Variants in USP10 observed in about 807,000 individuals in gnomAD.
USP10 encodes ubiquitin carboxyl-terminal hydrolase 10.
In USP10, 22 loss-of-function variants were observed where a neutral mutation model predicts 84.5. The ratio of observed to expected loss-of-function variants is 0.26; its 90% CI spans 0.19 to 0.37. The LOEUF (loss-of-function observed/expected upper bound fraction) is 0.37, where lower values mean the gene tolerates loss of function less well. Ranked by LOEUF, USP10 falls within the 10% of genes least tolerant of loss-of-function variation. USP10 has a pLI of 1.00. For synonymous variants in USP10, 454 were observed against 387.6 expected, an observed-to-expected ratio of 1.17 and a Z score of -2.01; for missense variants, 1,019 against 998.9, an observed-to-expected ratio of 1.02 and a Z score of -0.27.
chr16:84,748,501 A>C (rs536066326), intron 4 of USP10, among the ~76,000 whole-genome samples: 55 of 152,002 alleles, frequency 3.6e-4, no homozygotes, highest in African/African-American at 1.3e-3. Flanking sequence ...ACCGAGTTTC[A>C]CCATGTTGGC....
chr16:84,703,292 G>A (rs1905118513), intron 1 of USP10, among the ~76,000 whole-genome samples: 1 of 152,086 alleles, frequency 6.6e-6, no homozygotes. Flanking sequence ...GCCTTACACC[G>A]AAAAAATATT....
At chr16:84,712,666 G>T (rs1471788628) in intron 1 of USP10, among the ~76,000 whole-genome samples, 1 of 152,162 alleles carries the variant, frequency 6.6e-6, no homozygotes, top group African/African-American at 2.4e-5. Flanking sequence ...ATGAAGAAGA[G>T]GTGGCTGCTT....
At chr16:84,751,932 G>T (rs1439241584) in intron 4 of USP10, among the ~76,000 whole-genome samples, 1 of 152,116 alleles carries the variant, frequency 6.6e-6, no homozygotes, top group Non-Finnish European at 1.5e-5. Context: ...TGACATAAAA[G>T]TTTACGATGC....
intron 11 of USP10, among the ~76,000 whole-genome samples, chr16:84,771,814 G>A (rs1358068022): frequency 6.6e-6 from 1 of 152,168 alleles, no homozygotes; most frequent in Non-Finnish European, 1.5e-5. Context: ...GTTGCAGTGA[G>A]CGCAGATCGT....
At chr16:84,731,434 CGT>C (rs1470373201) in intron 1 of USP10, among the ~76,000 whole-genome samples, 2 of 151,812 alleles carry the variant, frequency 1.3e-5, no homozygotes, top group Non-Finnish European at 2.9e-5. Flanking sequence ...TCACAGCTGC[CGT>C]GTGTTTCTTG....
chr16:84,710,064 G>A (rs1431419148), intron 1 of USP10, among the ~76,000 whole-genome samples: 3 of 152,138 alleles, frequency 2.0e-5, no homozygotes, highest in African/African-American at 7.2e-5. Flanking sequence ...GAGGTAAGGA[G>A]TTTGAGACCA....
chr16:84,733,645 A>G (rs1254286086), intron 2 of USP10, 142 bp downstream of exon 2: 2 of 546,552 alleles, frequency 3.7e-6, no homozygotes, highest in Non-Finnish European at 6.2e-6. Context: ...TCAACCCACC[A>G]ACTAGATTTG....
intron 13 of USP10, among the ~76,000 whole-genome samples, chr16:84,776,432 G>T (rs1278317531): frequency 6.6e-6 from 1 of 152,096 alleles, no homozygotes; most frequent in Non-Finnish European, 1.5e-5. Context: ...TTCTCCCCCC[G>T]ATCACAATTC....
At chr16:84,718,712 C>A (rs924128805) in intron 1 of USP10, among the ~76,000 whole-genome samples, 1 of 150,618 alleles carries the variant, frequency 6.6e-6, no homozygotes, top group Middle Eastern at 3.4e-3. Context: ...ACTGAGATTG[C>A]GCCACTGCAC....
chr16:84,704,632 A>G (rs1905250430), intron 1 of USP10: 1 of 1,352,906 alleles, frequency 7.4e-7, no homozygotes, highest in Non-Finnish European at 9.8e-7. Flanking sequence ...GTATGTGTAT[A>G]GTATTTGTTT....
chr16:84,771,124 G>C (rs1240470484), intron 11 of USP10, among the ~76,000 whole-genome samples: 1 of 151,920 alleles, frequency 6.6e-6, no homozygotes, highest in Non-Finnish European at 1.5e-5. Context: ...TACAGAGAAT[G>C]ATAAAGGGAT....
At chr16:84,778,744 A>G (rs1254041557) in intron 13 of USP10, 151 bp from the exon 14 acceptor site, 3 of 742,590 alleles carry the variant, frequency 4.0e-6, no homozygotes, top group Admixed American at 6.2e-5. Context: ...TTGAAATAGC[A>G]TTGGTTTGTG....
At chr16:84,735,502 G>C (rs867559301) in intron 2 of USP10, among the ~76,000 whole-genome samples, 6 of 151,870 alleles carry the variant, frequency 4.0e-5, no homozygotes, top group Admixed American at 2.0e-4. Flanking sequence ...CTTTCCTTTT[G>C]GGCCTCCCAT....
intron 1 of USP10, among the ~76,000 whole-genome samples, chr16:84,704,223 G>T (rs1905213188): frequency 7.3e-6 from 1 of 136,678 alleles, no homozygotes; most frequent in African/African-American, 3.4e-5. Flanking sequence ...CCTGTTAATG[G>T]TTCCTGGTAT....
chr16:84,751,377 C>T (rs557123956), intron 4 of USP10, among the ~76,000 whole-genome samples: 17 of 152,296 alleles, frequency 1.1e-4, no homozygotes, highest in Admixed American at 7.8e-4. Flanking sequence ...TATTTCCCCC[C>T]GCTCCTTGGG....
At chr16:84,707,214 A>C (rs1475741336) in intron 1 of USP10, among the ~76,000 whole-genome samples, 1 of 152,236 alleles carries the variant, frequency 6.6e-6, no homozygotes, top group African/African-American at 2.4e-5. Context: ...ATAATCTTTC[A>C]CACTGTGACT....
chr16:84,754,633 C>T (rs1912312711), intron 4 of USP10, among the ~76,000 whole-genome samples: 1 of 152,180 alleles, frequency 6.6e-6, no homozygotes, highest in Admixed American at 6.5e-5. Context: ...CTGCCTGCGC[C>T]TCAAAATAAG....
intron 4 of USP10, among the ~76,000 whole-genome samples, chr16:84,751,104 G>A (rs1828442892): frequency 6.6e-6 from 1 of 152,192 alleles, no homozygotes; most frequent in South Asian, 2.1e-4. Context: ...TTATAATGGA[G>A]CTAAACAATT....
chr16:84,767,338 G>GAAAAA lies in USP10; in HGVS notation c.1833-849_1833-845dup, dbSNP rs954863753. Among the ~76,000 whole-genome samples, 5 of 147,590 alleles carry GAAAAA rather than the reference G, an allele frequency of 3.4e-5. No homozygotes were observed. The South Asian group carries it at 1.1e-3, about 32-fold the overall frequency. On this transcript the variant is annotated intron_variant, in intron 10 of 13. Transcript: ENST00000219473. ...TTTACTCAGAAAAACTTAGAAAAAG[G>GAAAAA]AAAAAAAAAATGAAATGAAAAACCA...
Sources: gnomAD v4.1 joint callset for allele counts (sites outside exome capture counted in the v4.1 genomes callset) on GRCh38, gnomAD v4.1.1 for gene constraint, MANE v1.5 for transcripts, NCBI Gene and HGNC (gene_info 2026-07-23, HGNC 2026-07-21) for gene names.